DHX8: variants seen among roughly 807,000 people sequenced by gnomAD.
DHX8 encodes the protein DEAH-box helicase 8, also known as ATP-dependent RNA helicase DHX8.
DHX8 carries 67 observed loss-of-function variants against 140.7 expected under a neutral mutation model. That is an observed-to-expected ratio of 0.48 (90% CI 0.39 to 0.58). The LOEUF is 0.58. DHX8 is among the 20% of genes least tolerant of loss of function. The probability of loss-of-function intolerance (pLI) is 0.00; values close to 1 mark genes in which losing one functional copy is unlikely to be tolerated. For missense variants in DHX8, 887 were observed against 1,550.7 expected (o/e 0.57, Z 7.19); for synonymous variants, 533 against 553.2 (o/e 0.96, Z 0.51).
intron 16 of DHX8, among the ~76,000 whole-genome samples, chr17:43,509,371 G>A (rs1279798538): frequency 6.6e-6 from 1 of 152,178 alleles, no homozygotes; most frequent in Non-Finnish European, 1.5e-5. Context: ...GTATATGACT[G>A]TGTGTATGAG....
chr17:43,509,677 T>G (rs9907507), intron 16 of DHX8, among the ~76,000 whole-genome samples: 34,270 of 143,036 alleles, frequency 0.24, 4,104 homozygotes, highest in Middle Eastern at 0.35. Flanking sequence ...TGTTTTTGTG[T>G]TTTTTTTTGA....
At chr17:43,487,333 G>A (rs1968225245) in intron 1 of DHX8, among the ~76,000 whole-genome samples, 1 of 152,214 alleles carries the variant, frequency 6.6e-6, no homozygotes, top group Non-Finnish European at 1.5e-5. Flanking sequence ...GATGGAAATT[G>A]TATGGTAGTA....
intron 16 of DHX8, 143 bp from the exon 17 acceptor site, chr17:43,513,219 C>G: frequency 1.2e-6 from 1 of 844,436 alleles, no homozygotes; most frequent in South Asian, 2.6e-5. Flanking sequence ...GGAGGCTGAG[C>G]TGGGATTAAG....
chr17:43,543,989 G>C (rs1191672432), intron 3 of DHX8: 4 of 152,176 alleles, frequency 2.6e-5, no homozygotes, highest in African/African-American at 9.6e-5. Flanking sequence ...AGATACCCAG[G>C]GTGGAGGGAT....
rs1968849758 is a variant in DHX8, at chr17:43,496,241, A to G, written c.1273A>G (p.Ile425Val). The stretch of plus-strand genomic sequence containing the variant: ...TCCAGACTTTGATGAAGAGACTGGC[A>G]TTCTCCCTAAGGTGGATGATGAAGA... ...EFPDFDEETGILPKVDDEEDE... is the reference protein window; with the variant it reads ...EFPDFDEETGVLPKVDDEEDE... The change falls in exon 9 of 23, where the codon ATT (isoleucine) becomes GTT (valine). Residue 425 changes from isoleucine to valine, a missense_variant. This residue lies in a region of DHX8 where 178 missense variants were observed against 398.5 expected (regional missense o/e 0.45). Coordinates refer to ENST00000262415, the MANE Select transcript of DHX8 (RefSeq NM_004941.3). The G allele has an allele frequency of 6.2e-7, 1 of 1,613,858 alleles. No individual in the cohort carries two copies. Among genetic ancestry groups the G allele is most frequent in the Admixed American group, 1.7e-5 (1 of 59,994 alleles).
chr17:43,536,914 GTCTT>G (rs1479333261), intron 3 of DHX8, among the ~76,000 whole-genome samples: 1 of 152,208 alleles, frequency 6.6e-6, no homozygotes, highest in African/African-American at 2.4e-5. Flanking sequence ...GCAGATTCCA[GTCTT>G]TCTTCTTCTA....
chr17:43,521,994 A>C, intron 21 of DHX8, 53 bp from the exon 22 acceptor site: 1 of 1,586,070 alleles, frequency 6.3e-7, no homozygotes, highest in Non-Finnish European at 8.6e-7. Flanking sequence ...GTCATTGTGA[A>C]AATAGACCTG....
intron 8 of DHX8, among the ~76,000 whole-genome samples, chr17:43,494,518 G>A (rs1006366155): frequency 6.6e-6 from 1 of 151,842 alleles, no homozygotes; most frequent in African/African-American, 2.4e-5. Context: ...TCAGGAGTTC[G>A]AGACCAGCCT....
intron 9 of DHX8, among the ~76,000 whole-genome samples, chr17:43,496,957 G>A (rs1429965445): frequency 2.6e-5 from 4 of 152,076 alleles, no homozygotes; most frequent in Non-Finnish European, 5.9e-5. Flanking sequence ...GAAATCTTAT[G>A]ATAGAATTCT....
chr17:43,500,496 A>C (rs759069956), intron 11 of DHX8, among the ~76,000 whole-genome samples: 2 of 151,778 alleles, frequency 1.3e-5, no homozygotes, highest in Non-Finnish European at 2.9e-5. Flanking sequence ...CGAAAAAAAA[A>C]TTTACCCTTG....
chr17:43,520,309 C>T (rs760753460), intron 19 of DHX8, 42 bp downstream of exon 19: 3 of 1,604,136 alleles, frequency 1.9e-6, no homozygotes, highest in Admixed American at 1.7e-5. Context: ...GGGAAGATTC[C>T]CTGGTCAGCC....
intron 12 of DHX8, among the ~76,000 whole-genome samples, chr17:43,505,261 T>C (rs899901204): frequency 1.3e-5 from 2 of 151,982 alleles, no homozygotes; most frequent in African/African-American, 4.8e-5. Context: ...TACAAAAAAT[T>C]AGCTGGGCGT....
At chr17:43,493,954 C>A in intron 8 of DHX8, 68 bp downstream of exon 8, 1 of 1,537,548 alleles carries the variant, frequency 6.5e-7, no homozygotes, top group Non-Finnish European at 8.9e-7. Context: ...GGGGTGTGCC[C>A]TGGAGCACGA....
At chr17:43,517,661 G>A (rs572887136) in intron 18 of DHX8, 2 of 199,904 alleles carry the variant, frequency 1.0e-5, no homozygotes, top group South Asian at 9.7e-5. Flanking sequence ...CCACTTTAGC[G>A]CTCAGATCCA....
At chr17:43,499,473 G>A (rs1037409133) in intron 10 of DHX8, among the ~76,000 whole-genome samples, 1 of 152,096 alleles carries the variant, frequency 6.6e-6, no homozygotes, top group African/African-American at 2.4e-5. Flanking sequence ...ATTCTTCTGC[G>A]GTGTTCTTCT....
chr17:43,488,224 G>T (rs554383675), intron 1 of DHX8, among the ~76,000 whole-genome samples: 1 of 151,948 alleles, frequency 6.6e-6, no homozygotes, highest in South Asian at 2.1e-4. Context: ...GTGGCAGTGA[G>T]CCAAGATCCC....
chr17:43,532,808 T>C (rs1431698591), intron 2 of DHX8: 1 of 1,613,950 alleles, frequency 6.2e-7, no homozygotes. Context: ...GTATTCTTGC[T>C]TAAAGCTCTG....
chr17:43,489,853 G>A (rs556405863), intron 2 of DHX8, among the ~76,000 whole-genome samples: 4 of 152,274 alleles, frequency 2.6e-5, no homozygotes, highest in African/African-American at 7.2e-5. Context: ...GCCTTCCAAA[G>A]TGCTGGGATT....
Position 43,521,470 on chromosome 17 carries a change from G to A in DHX8, c.3168G>A (p.Lys1056=). Residue 1056 remains lysine, a synonymous_variant, in exon 21 of 23, where the codon AAG becomes AAA. Transcript: ENST00000262415. ...LAVYNSWKNN[K]FSNPWCYENF... is the part of the protein sequence containing the mutation. ...TGTACAACTCCTGGAAGAACAACAA[G>A]TTCTCCAACCCATGGTGCTATGAGA... 1 of 1,613,960 alleles carries A rather than the reference G, an allele frequency of 6.2e-7. No individual in the cohort carries two copies. The highest frequency in any genetic ancestry group is 8.5e-7 in the Non-Finnish European group (1 of 1,180,000).
Sources: gnomAD v4.1 joint callset for allele counts (sites outside exome capture counted in the v4.1 genomes callset) on GRCh38, gnomAD v4.1.1 for gene constraint, gnomAD v4.1.1 regional missense constraint, MANE v1.5 for transcripts, NCBI Gene and HGNC (gene_info 2026-07-23, HGNC 2026-07-21) for gene names.